The following ZCCHC7 variants were observed in gnomAD, a reference collection of about 807,000 sequenced individuals.
The protein encoded by ZCCHC7 is zinc finger CCHC-type containing 7.
In ZCCHC7, 35 loss-of-function variants were observed where a neutral mutation model predicts 52.0. That is an observed-to-expected ratio of 0.67 (90% CI 0.51 to 0.89). ZCCHC7 has a LOEUF of 0.89. ZCCHC7 is among the 40% of genes least tolerant of loss of function. The pLI is 0.00. For missense variants in ZCCHC7, 574 were observed against 649.1 expected (o/e 0.88, Z 1.26); for synonymous variants, 217 against 221.5 (o/e 0.98, Z 0.18).
At chr9:37,268,725 C>T (rs1049209735) in intron 2 of ZCCHC7, among the ~76,000 whole-genome samples, 4 of 152,176 alleles carry the variant, frequency 2.6e-5, no homozygotes, top group East Asian at 3.9e-4. Context: ...CGCGCCCGGC[C>T]GCAAAATTTC....
At chr9:37,143,177 T>A (rs1314883761) in intron 2 of ZCCHC7, among the ~76,000 whole-genome samples, 1 of 151,824 alleles carries the variant, frequency 6.6e-6, no homozygotes, top group Non-Finnish European at 1.5e-5. Flanking sequence ...TTTGTAGGAT[T>A]TCTTTTTTGT....
intron 2 of ZCCHC7, among the ~76,000 whole-genome samples, chr9:37,179,874 A>T (rs1203568125): frequency 1.3e-5 from 2 of 152,168 alleles, no homozygotes; most frequent in East Asian, 3.8e-4. Context: ...ATATTCTTGT[A>T]GATTCTTTTT....
intron 2 of ZCCHC7, among the ~76,000 whole-genome samples, chr9:37,203,252 TG>T (rs1441079773): frequency 6.6e-6 from 1 of 152,232 alleles, no homozygotes; most frequent in African/African-American, 2.4e-5. Flanking sequence ...TTTGTTTAAA[TG>T]AGGTAATCCA....
intron 5 of ZCCHC7, chr9:37,327,476 A>AT: frequency 3.8e-6 from 1 of 260,130 alleles, no homozygotes; most frequent in Non-Finnish European, 7.2e-6. Context: ...AGTTTTATTG[A>AT]TTTTGACCAC....
chr9:37,161,854 A>G (rs950112012), intron 2 of ZCCHC7, among the ~76,000 whole-genome samples: 5 of 152,202 alleles, frequency 3.3e-5, no homozygotes, highest in Admixed American at 6.5e-5. Flanking sequence ...ATGGCAGACA[A>G]CACTTCTTGA....
At chr9:37,334,710 A>G (rs746965592) in intron 6 of ZCCHC7, among the ~76,000 whole-genome samples, 2 of 151,940 alleles carry the variant, frequency 1.3e-5, no homozygotes, top group Non-Finnish European at 2.9e-5. Flanking sequence ...TCTTCCAGCT[A>G]TTTTGAGTTG....
Position 37,228,135 on chromosome 9 carries a change from T to C in ZCCHC7, c.611-74053T>C, listed in dbSNP as rs1351128500. ...ACTAAGTTATTGAAGTCAGATACAG[T>C]GGACTATGTACTGTATTAATCTTTT... is the stretch of plus-strand genomic sequence containing the variant. On this transcript the variant is annotated intron_variant, in intron 2 of 8. Transcript: ENST00000336755. Among the ~76,000 whole-genome samples the C allele has an allele frequency of 2.8e-4, 42 of 152,148 alleles. 2 individuals carry two copies. The highest frequency in any genetic ancestry group is 2.8e-3 in the Admixed American group (42 of 15,268).
At chr9:37,316,187 GTACC>G (rs1251724743) in intron 5 of ZCCHC7, among the ~76,000 whole-genome samples, 1 of 151,956 alleles carries the variant, frequency 6.6e-6, no homozygotes, top group African/African-American at 2.4e-5. Context: ...AGCCTCCCAA[GTACC>G]TGGGACTACA....
chr9:37,340,535 A>G (rs759262318), intron 6 of ZCCHC7, among the ~76,000 whole-genome samples: 2 of 152,166 alleles, frequency 1.3e-5, no homozygotes, highest in East Asian at 1.9e-4. Context: ...ATTGCCTTGC[A>G]TTTAACTTTT....
intron 1 of ZCCHC7, among the ~76,000 whole-genome samples, chr9:37,123,762 T>G (rs1218727643): frequency 6.6e-6 from 1 of 152,218 alleles, no homozygotes; most frequent in Non-Finnish European, 1.5e-5. Flanking sequence ...CTTTTAGAAT[T>G]AATTTACCTA....
chr9:37,136,082 T>G (rs925954535), intron 2 of ZCCHC7, among the ~76,000 whole-genome samples: 4 of 152,168 alleles, frequency 2.6e-5, no homozygotes, highest in Non-Finnish European at 4.4e-5. Flanking sequence ...AGTTTCTACC[T>G]TGCCTGGCTG....
At chr9:37,193,499 C>A (rs935358733) in intron 2 of ZCCHC7, among the ~76,000 whole-genome samples, 1 of 151,930 alleles carries the variant, frequency 6.6e-6, no homozygotes, top group Non-Finnish European at 1.5e-5. Flanking sequence ...ATAAAACATT[C>A]TTTAAAATTG....
chr9:37,318,560 G>A (rs641935), intron 5 of ZCCHC7, among the ~76,000 whole-genome samples: 6,334 of 152,076 alleles, frequency 0.042, 209 homozygotes, highest in African/African-American at 0.079. Flanking sequence ...AGTATGTGAA[G>A]TATAATTAGA....
intron 2 of ZCCHC7, among the ~76,000 whole-genome samples, chr9:37,218,386 A>G (rs184546821): frequency 1.3e-5 from 2 of 152,352 alleles, no homozygotes; most frequent in East Asian, 3.9e-4. Flanking sequence ...TGGTTAAGGC[A>G]CACAATCAGG....
chr9:37,329,509 T>TAA (rs1217903270), intron 6 of ZCCHC7, among the ~76,000 whole-genome samples: 1 of 151,898 alleles, frequency 6.6e-6, no homozygotes, highest in Admixed American at 6.6e-5. Context: ...TTTTTTAAAA[T>TAA]AATATTGAAG....
chr9:37,239,321 G>A (rs1012300678), intron 2 of ZCCHC7, among the ~76,000 whole-genome samples: 4 of 152,012 alleles, frequency 2.6e-5, no homozygotes, highest in African/African-American at 9.7e-5. Context: ...AGTTTTCATT[G>A]TTTAATATTG....
intron 7 of ZCCHC7, among the ~76,000 whole-genome samples, chr9:37,351,711 T>C (rs1445547887): frequency 6.6e-6 from 1 of 152,220 alleles, no homozygotes. Flanking sequence ...AGGGAACATA[T>C]TCACATAAGC....
chr9:37,235,962 G>A (rs1825632687), intron 2 of ZCCHC7, among the ~76,000 whole-genome samples: 1 of 151,964 alleles, frequency 6.6e-6, no homozygotes, highest in South Asian at 2.1e-4. Context: ...TTCCTCTGTT[G>A]GTGGGCAGAT....
chr9:37,128,216 C>A, intron 2 of ZCCHC7, among the ~76,000 whole-genome samples: 1 of 151,966 alleles, frequency 6.6e-6, no homozygotes. Flanking sequence ...TTGAATTATT[C>A]CTAAAAAGGA....
Sources: gnomAD v4.1 joint callset for allele counts (sites outside exome capture counted in the v4.1 genomes callset) on GRCh38, gnomAD v4.1.1 for gene constraint, MANE v1.5 for transcripts, NCBI Gene and HGNC (gene_info 2026-07-23, HGNC 2026-07-21) for gene names.